ADH1B: variants seen among roughly 807,000 people sequenced by gnomAD.
The protein encoded by ADH1B is alcohol dehydrogenase 1B (class I), beta polypeptide.
In ADH1B, 29 loss-of-function variants were observed where a neutral mutation model predicts 34.6. The ratio of observed to expected loss-of-function variants is 0.84; its 90% CI spans 0.62 to 1.14. ADH1B has a LOEUF of 1.14. Among genes scored for constraint, ADH1B ranks in the 50% most tolerant of loss-of-function variants. ADH1B has a pLI of 0.00. For missense variants in ADH1B, 424 were observed against 468.4 expected (o/e 0.91, Z 0.87); for synonymous variants, 170 against 175.5 (o/e 0.97, Z 0.25).
chr4:99,308,012 A>G (rs1354695314), intron 8 of ADH1B, 148 bp from the exon 9 acceptor site: 2 of 1,035,690 alleles, frequency 1.9e-6, no homozygotes, highest in Non-Finnish European at 2.8e-6. Context: ...TTGGTTCAAG[A>G]AAAAGGAAGT....
rs1733569987 is a variant in ADH1B at position 99,305,196 on chromosome 4, ATTT to A, written c.*2641_*2643del. The A allele has an allele frequency of 1.3e-5, 2 of 151,394 alleles. No homozygotes were observed. The highest frequency in any genetic ancestry group is 2.9e-5 in the Non-Finnish European group (2 of 67,912). The allele number at this position is 151,394 out of a possible 1,614,324, so 9.4% of individuals were successfully genotyped here. A position where few individuals can be genotyped will look rare whatever the true frequency, so the allele number is the denominator to read the frequency against. Reference sequence around the variant, plus strand: ...TCAATATGACCAAAAAAATGAAAACATTTTTTCCTTATCTATATTTTTAGATTA... The same window carrying A: ...TCAATATGACCAAAAAAATGAAAACATTTCCTTATCTATATTTTTAGATTA... On this transcript the variant is annotated 3_prime_UTR_variant, in exon 9 of 9. Transcript: ENST00000305046.
intron 1 of ADH1B, among the ~76,000 whole-genome samples, 176 bp downstream of exon 1, chr4:99,321,138 C>G (rs1303170302): frequency 6.6e-6 from 1 of 152,064 alleles, no homozygotes; most frequent in Non-Finnish European, 1.5e-5. Flanking sequence ...TTAAGAATAG[C>G]TTATTTCCAC....
At chr4:99,321,278 G>C (rs753774604) in intron 1 of ADH1B, 36 bp downstream of exon 1, 1 of 1,557,432 alleles carries the variant, frequency 6.4e-7, no homozygotes, top group African/African-American at 1.4e-5. Context: ...ATATTGATGA[G>C]AATATATTAC....
chr4:99,313,819 A>G lies in ADH1B; in HGVS notation c.828+2T>C, dbSNP rs769635325. 6.2e-6 allele frequency: 10 copies of G among 1,613,946 alleles called. No homozygotes were observed. The Admixed American group carries it at 1.5e-4, about 24-fold the overall frequency. On this transcript the variant is annotated splice_donor_variant, in intron 6 of 8. Transcript: ENST00000305046. LOFTEE classifies it high-confidence loss of function. ...AATCTCAGGGCATGTCATGGTACATACCATGGTGTCAAGCCGACCGATGAC... is the reference window on the plus strand; with the variant it reads ...AATCTCAGGGCATGTCATGGTACATGCCATGGTGTCAAGCCGACCGATGAC...
In ADH1B at chr4:99,318,162, T is replaced by C. The variant is rs1229984; in HGVS notation, c.143A>G (p.His48Arg). 0.94 allele frequency: 1,521,543 copies of C among 1,614,054 alleles called. 730,158 individuals are homozygous for C. The highest frequency in any genetic ancestry group is 0.99 in the African/African-American group (74,073 of 75,004). Residue 48 changes from histidine to arginine, a missense_variant, in exon 3 of 9, where the codon CAC becomes CGC. By Grantham distance (29) the His-to-Arg change is conservative. Transcript: ENST00000305046. ...GCCACTAACCACGTGGTCATCTGTGTGACAGATTCCTACAGCCACCATCTA... is the reference window on the plus strand; with the variant it reads ...GCCACTAACCACGTGGTCATCTGTGCGACAGATTCCTACAGCCACCATCTA... Reference protein sequence around the residue: ...RIKMVAVGICHTDDHVVSGNL... With the variant: ...RIKMVAVGICRTDDHVVSGNL...
intron 6 of ADH1B, among the ~76,000 whole-genome samples, chr4:99,312,307 C>T (rs1733772847): frequency 6.6e-6 from 1 of 152,138 alleles, no homozygotes; most frequent in African/African-American, 2.4e-5. Flanking sequence ...AGATAAGGTA[C>T]ACTCCAGTTC....
chr4:99,317,955 A>C (rs4147536), intron 3 of ADH1B, 91 bp downstream of exon 3: 1,208,554 of 1,564,178 alleles, frequency 0.77, 470,080 homozygotes, highest in East Asian at 0.92. Context: ...TTGTGCAAGC[A>C]CTTTCGTCTC....
In ADH1B at chr4:99,305,563, A is replaced by ATG. The variant is rs1427868308; in HGVS notation, c.*2276_*2277insCA. 1.5e-4 allele frequency: 2 copies of ATG among 13,776 alleles called. No homozygotes were observed. The highest frequency in any genetic ancestry group is 2.6e-4 in the African/African-American group (1 of 3,872). The allele number at this position is 13,776 out of a possible 1,614,324, so 0.9% of individuals were successfully genotyped here. ...ATATGAACCACTTGCCCCATAGTGT[A>ATG]TATATATATATATATATATATATAT... On this transcript the variant is annotated 3_prime_UTR_variant, in exon 9 of 9. Coordinates refer to ENST00000305046, the MANE Select transcript of ADH1B (RefSeq NM_000668.6).
Position 99,311,504 on chromosome 4 carries a change from TG to T in ADH1B, c.964+16del. The T allele has an allele frequency of 3.7e-6, 6 of 1,611,018 alleles. No individual in the cohort carries two copies. Among genetic ancestry groups the T allele is most frequent in the Non-Finnish European group, 2.5e-6 (3 of 1,178,626 alleles). On this transcript the variant is annotated intron_variant, in intron 7 of 8. Coordinates refer to ENST00000305046, the MANE Select transcript of ADH1B (RefSeq NM_000668.6). ...TTGAGATTAATGAGAATTTGGCACT[TG>T]AGCCCAACTACATACCACCATAAAC...
chr4:99,307,586 A>G lies in ADH1B; in HGVS notation c.*254T>C, dbSNP rs1345089364. ...TCAATGGCAAAGGTGACACAGTAGA[A>G]TGGTTAAGAAGGAAGGTTTGTTGGC... On this transcript the variant is annotated 3_prime_UTR_variant, in exon 9 of 9. Transcript: ENST00000305046. The G allele has an allele frequency of 3.8e-6, 2 of 526,592 alleles. No homozygotes were observed. The highest frequency in any genetic ancestry group is 2.2e-5 in the South Asian group (1 of 45,656). 32.6% of individuals were successfully genotyped at this position (526,592 alleles called of 1,614,324 possible).
intron 6 of ADH1B, 148 bp downstream of exon 6, chr4:99,313,673 A>T: frequency 9.6e-6 from 14 of 1,451,620 alleles, no homozygotes; most frequent in South Asian, 5.5e-5. Context: ...TCATAACAAA[A>T]ATTAAACAAG....
intron 8 of ADH1B, among the ~76,000 whole-genome samples, chr4:99,309,776 C>T (rs1176898687): frequency 6.6e-6 from 1 of 152,050 alleles, no homozygotes; most frequent in African/African-American, 2.4e-5. Context: ...CTCCGAGTCT[C>T]AGTTTCTGTT....
chr4:99,308,873 C>T (rs1010174214), intron 8 of ADH1B, among the ~76,000 whole-genome samples: 7 of 151,794 alleles, frequency 4.6e-5, no homozygotes, highest in Non-Finnish European at 7.4e-5. Context: ...TTTTTGATGA[C>T]GAGTTAATGG....
In ADH1B at chr4:99,313,688, A is replaced by G. The variant is rs187100838; in HGVS notation, c.828+133T>C. ...TCATAACAAAAATTAAACAAGCCAC[A>G]TAACAAACAGATGATGGGAAATTTC... On this transcript the variant is annotated intron_variant, in intron 6 of 8. Transcript: ENST00000305046. The G allele has an allele frequency of 6.0e-4, 908 of 1,518,564 alleles. 4 individuals carry two copies. The African/African-American group carries it at 7.2e-3, about 12-fold the overall frequency. The allele number at this position is 1,518,564 out of a possible 1,614,324, so 94.1% of individuals were successfully genotyped here. A position where few individuals can be genotyped will look rare whatever the true frequency, so the allele number is the denominator to read the frequency against.
chr4:99,315,019 G>A (rs1343382251), intron 5 of ADH1B: 1 of 151,988 alleles, frequency 6.6e-6, no homozygotes, highest in African/African-American at 2.4e-5. Context: ...ATACTATGGG[G>A]GACAACACCA....
Position 99,307,588 on chromosome 4 carries a change from G to A in ADH1B, c.*252C>T. The stretch of plus-strand genomic sequence containing the variant: ...AATGGCAAAGGTGACACAGTAGAAT[G>A]GTTAAGAAGGAAGGTTTGTTGGCTT... On this transcript the variant is annotated 3_prime_UTR_variant, in exon 9 of 9. Coordinates refer to ENST00000305046, the MANE Select transcript of ADH1B (RefSeq NM_000668.6). 1 of 534,838 alleles carries A rather than the reference G, an allele frequency of 1.9e-6. No individual in the cohort carries two copies. Among genetic ancestry groups the A allele is most frequent in the African/African-American group, 1.9e-5 (1 of 51,696 alleles). 33.1% of individuals were successfully genotyped at this position (534,838 alleles called of 1,614,324 possible). A position where few individuals can be genotyped will look rare whatever the true frequency, so the allele number is the denominator to read the frequency against.
chr4:99,317,790 T>C (rs1733922505), intron 3 of ADH1B: 11 of 481,976 alleles, frequency 2.3e-5, no homozygotes. Flanking sequence ...TCCTCACATA[T>C]CTCCAGGCTC....
At chr4:99,319,202 G>A (rs755898283) in intron 1 of ADH1B, 5 of 414,030 alleles carry the variant, frequency 1.2e-5, no homozygotes, top group Non-Finnish European at 2.2e-5. Context: ...GAAAATGCTC[G>A]TCTACCCACA....
rs1733580920 is a variant in ADH1B, at chr4:99,305,427, G to A, written c.*2413C>T. The stretch of plus-strand genomic sequence containing the variant: ...CTGTGTCTGTCACTCTCATAATCCT[G>A]TTTCAGCACCTATGAAGGCACTTCT... On this transcript the variant is annotated 3_prime_UTR_variant, in exon 9 of 9. Coordinates refer to ENST00000305046, the MANE Select transcript of ADH1B (RefSeq NM_000668.6). 6.8e-6 allele frequency: 1 copy of A among 146,652 alleles called. No individual in the cohort carries two copies. 9.1% of individuals were successfully genotyped at this position (146,652 alleles called of 1,614,324 possible). A position where few individuals can be genotyped will look rare whatever the true frequency, so the allele number is the denominator to read the frequency against.
Sources: gnomAD v4.1 joint callset for allele counts (sites outside exome capture counted in the v4.1 genomes callset) on GRCh38, gnomAD v4.1.1 for gene constraint, MANE v1.5 for transcripts, NCBI Gene and HGNC (gene_info 2026-07-23, HGNC 2026-07-21) for gene names.